CMSS1: variants seen among roughly 807,000 people sequenced by gnomAD.
CMSS1 encodes the protein protein CMSS1.
In CMSS1, 33 loss-of-function variants were observed where a neutral mutation model predicts 43.5. That is an observed-to-expected ratio of 0.76 (90% CI 0.57 to 1.01). CMSS1 has a LOEUF of 1.01. Among genes scored for constraint, CMSS1 ranks in the 50% least tolerant of loss-of-function variants. The pLI, the probability that CMSS1 is intolerant of heterozygous loss-of-function variation, is 0.00. For missense variants in CMSS1, 313 were observed against 326.4 expected, an observed-to-expected ratio of 0.96 and a Z score of 0.32; for synonymous variants, 115 against 117.2, an observed-to-expected ratio of 0.98 and a Z score of 0.12.
intron 1 of CMSS1, among the ~76,000 whole-genome samples, chr3:100,078,562 A>C (rs2065884623): frequency 6.6e-6 from 1 of 152,044 alleles, no homozygotes; most frequent in South Asian, 2.1e-4. Flanking sequence ...CACGTAAAAT[A>C]CACCAACACT....
chr3:99,925,308 T>G (rs1475612716), intron 1 of CMSS1, among the ~76,000 whole-genome samples: 1 of 152,234 alleles, frequency 6.6e-6, no homozygotes, highest in Non-Finnish European at 1.5e-5. Context: ...TTACATCTTT[T>G]TTACAAAATG....
At chr3:100,162,169 T>G in intron 3 of CMSS1, 134 bp from the exon 4 acceptor site, 1 of 622,514 alleles carries the variant, frequency 1.6e-6, no homozygotes, top group Non-Finnish European at 2.7e-6. Context: ...TCAAATGTAT[T>G]TATTAAAACC....
intron 1 of CMSS1, among the ~76,000 whole-genome samples, chr3:99,838,308 C>T (rs1223900737): frequency 6.6e-6 from 1 of 152,186 alleles, no homozygotes; most frequent in African/African-American, 2.4e-5. Flanking sequence ...TCTTGTCACC[C>T]TAACAGTGGC....
chr3:100,153,305 A>G (rs928796859), intron 2 of CMSS1, among the ~76,000 whole-genome samples: 19 of 152,230 alleles, frequency 1.2e-4, no homozygotes, highest in Non-Finnish European at 2.2e-4. Flanking sequence ...ATACAGTTAC[A>G]TGCTGTTTTG....
chr3:99,849,527 T>C (rs1943552286), intron 1 of CMSS1: 1 of 1,613,320 alleles, frequency 6.2e-7, no homozygotes, highest in Admixed American at 1.7e-5. Context: ...TCCACTTCTC[T>C]TGAGAGGTGC....
chr3:99,939,075 G>A (rs1249722729), intron 1 of CMSS1, among the ~76,000 whole-genome samples: 2 of 152,172 alleles, frequency 1.3e-5, no homozygotes, highest in African/African-American at 4.8e-5. Context: ...ATTGGAAAGT[G>A]GGGATGTATG....
At chr3:99,987,697 G>A (rs1709386470) in intron 1 of CMSS1, among the ~76,000 whole-genome samples, 1 of 152,134 alleles carries the variant, frequency 6.6e-6, no homozygotes, top group African/African-American at 2.4e-5. Flanking sequence ...AATTAGTTTA[G>A]CACAGTCCCA....
chr3:100,143,450 A>G (rs972153955), intron 1 of CMSS1, among the ~76,000 whole-genome samples: 8 of 152,090 alleles, frequency 5.3e-5, no homozygotes, highest in African/African-American at 1.7e-4. Context: ...AAATTTGTTA[A>G]TGTTTTATGG....
chr3:99,925,571 C>T (rs1206819460), intron 1 of CMSS1, among the ~76,000 whole-genome samples: 1 of 141,478 alleles, frequency 7.1e-6, no homozygotes, highest in African/African-American at 2.5e-5. Flanking sequence ...ACACTTCCAG[C>T]AGTAGTTTAA....
rs543003918 is a variant in CMSS1, at chr3:99,975,162, G to A, written c.64+157119G>A. Reference sequence around the variant, plus strand: ...CTTCCACCTGCTTCTGTTCCTCCCCGCTCCAATCTACCAGATTCCTCAGGT... The same window carrying A: ...CTTCCACCTGCTTCTGTTCCTCCCCACTCCAATCTACCAGATTCCTCAGGT... On this transcript the variant is annotated intron_variant, in intron 1 of 9. Transcript: ENST00000421999. Among the ~76,000 whole-genome samples, 31 of 152,168 alleles carry A rather than the reference G, an allele frequency of 2.0e-4. No individual in the cohort carries two copies. In the South Asian group the frequency reaches 4.3e-3, roughly 21 times the overall value.
intron 1 of CMSS1, among the ~76,000 whole-genome samples, chr3:100,117,465 A>T (rs1216988973): frequency 6.6e-6 from 1 of 152,094 alleles, no homozygotes; most frequent in Non-Finnish European, 1.5e-5. Context: ...AATAAGGTGG[A>T]ATTATTCATC....
At chr3:99,905,932 C>G (rs1399591639) in intron 1 of CMSS1, among the ~76,000 whole-genome samples, 1 of 152,196 alleles carries the variant, frequency 6.6e-6, no homozygotes, top group Admixed American at 6.5e-5. Context: ...GTGGCTCATG[C>G]TTGTAGTCCC....
rs2067171224 is a variant in CMSS1 at position 100,179,336 on chromosome 3, C to A, written c.*948C>A. Reference sequence around the variant, plus strand: ...CTCATTCCAGCATTAACTGAAAAGTCCAACTCCAAAGTCTGATCTGAGACA... The same window carrying A: ...CTCATTCCAGCATTAACTGAAAAGTACAACTCCAAAGTCTGATCTGAGACA... On this transcript the variant is annotated 3_prime_UTR_variant, in exon 10 of 10. Coordinates refer to ENST00000421999, the MANE Select transcript of CMSS1 (RefSeq NM_032359.4). The A allele has an allele frequency of 6.6e-6, 1 of 152,216 alleles. No individual in the cohort carries two copies. The highest frequency in any genetic ancestry group is 1.5e-5 in the Non-Finnish European group (1 of 68,044). 9.4% of individuals were successfully genotyped at this position (152,216 alleles called of 1,614,324 possible). A position where few individuals can be genotyped will look rare whatever the true frequency, so the allele number is the denominator to read the frequency against.
At chr3:100,021,960 T>TGTGTGAGAGAGA (rs1321185364) in intron 1 of CMSS1, among the ~76,000 whole-genome samples, 17 of 93,330 alleles carry the variant, frequency 1.8e-4, no homozygotes, top group African/African-American at 4.4e-4. Context: ...TGTGTGTGTG[T>TGTGTGAGAGAGA]GAGAGAGAGA....
chr3:99,950,092 T>G (rs907664279), intron 1 of CMSS1, among the ~76,000 whole-genome samples: 1 of 152,204 alleles, frequency 6.6e-6, no homozygotes, highest in Non-Finnish European at 1.5e-5. Context: ...CTTAGTCACT[T>G]GGAACCATTA....
intron 1 of CMSS1, among the ~76,000 whole-genome samples, chr3:100,016,263 G>A (rs1325914957): frequency 6.6e-6 from 1 of 152,160 alleles, no homozygotes; most frequent in East Asian, 1.9e-4. Flanking sequence ...TGCGATCTCG[G>A]CTCACTGCAA....
intron 1 of CMSS1, among the ~76,000 whole-genome samples, chr3:100,098,940 A>ATTTATAAT (rs2066259180): frequency 6.6e-6 from 1 of 152,262 alleles, no homozygotes; most frequent in African/African-American, 2.4e-5. Flanking sequence ...AAATAATGCC[A>ATTTATAAT]GTTAAGATGG....
chr3:100,134,781 C>T lies in CMSS1; in HGVS notation c.65-12192C>T, dbSNP rs2107501964. On this transcript the variant is annotated intron_variant, in intron 1 of 9. Coordinates refer to ENST00000421999, the MANE Select transcript of CMSS1 (RefSeq NM_032359.4). ...ATGAATGTTAGTTAAATATAACATA[C>T]ATTATTATATGAAATTGGGCTCTAC... is the stretch of plus-strand genomic sequence containing the variant. 1.3e-5 allele frequency among the ~76,000 whole-genome samples: 2 copies of T among 152,254 alleles called. 1 individual carries two copies. Among genetic ancestry groups the T allele is most frequent in the South Asian group, 4.1e-4 (2 of 4,820 alleles).
At chr3:100,150,927 G>T (rs1055666339) in intron 2 of CMSS1, among the ~76,000 whole-genome samples, 1 of 152,042 alleles carries the variant, frequency 6.6e-6, no homozygotes, top group African/African-American at 2.4e-5. Context: ...CATTTCAGTG[G>T]TTCCATGACC....
Sources: allele counts gnomAD v4.1 joint callset (sites outside exome capture counted in the v4.1 genomes callset), GRCh38; gene constraint gnomAD v4.1.1; transcripts MANE v1.5; gene names NCBI Gene and HGNC (gene_info 2026-07-23, HGNC 2026-07-21).